Variants in HTR1F observed in about 807,000 individuals in gnomAD.
The protein encoded by HTR1F is 5-hydroxytryptamine (serotonin) receptor 1F, G protein-coupled.
HTR1F carries 17 observed loss-of-function variants against 24.0 expected under a neutral mutation model. The observed-to-expected ratio is 0.71, with a 90% CI of 0.48 to 1.06. The LOEUF (loss-of-function observed/expected upper bound fraction) is 1.06, where lower values mean the gene tolerates loss of function less well. Ranked by LOEUF, HTR1F falls within the 50% of genes least tolerant of loss-of-function variation. The pLI is 0.00. For synonymous variants in HTR1F, 186 were observed against 156.8 expected (o/e 1.19, Z -1.39); for missense variants, 391 against 427.8 (o/e 0.91, Z 0.76).
intron 2 of HTR1F, among the ~76,000 whole-genome samples, chr3:87,945,245 C>A (rs73847730): frequency 0.26 from 40,111 of 151,718 alleles, 5,741 homozygotes; most frequent in African/African-American, 0.37. Flanking sequence ...ACACCTAAAT[C>A]GGGAGGGACA....
At chr3:87,792,928 G>A (rs1265161500) in intron 1 of HTR1F, among the ~76,000 whole-genome samples, 86 bp downstream of exon 1, 1 of 152,238 alleles carries the variant, frequency 6.6e-6, no homozygotes, top group Non-Finnish European at 1.5e-5. Context: ...TGGGGACGTG[G>A]GGAGTGGGAG....
intron 2 of HTR1F, among the ~76,000 whole-genome samples, chr3:87,879,912 C>T (rs542995921): frequency 3.9e-5 from 6 of 152,072 alleles, no homozygotes; most frequent in African/African-American, 7.2e-5. Context: ...ACAAACAGAA[C>T]ATTAGGAATT....
chr3:87,956,123 C>T (rs746363228), intron 2 of HTR1F, among the ~76,000 whole-genome samples: 8 of 151,268 alleles, frequency 5.3e-5, no homozygotes, highest in Non-Finnish European at 7.4e-5. Context: ...GAGACCTTTG[C>T]TTAATCTAAA....
chr3:87,805,879 C>CT (rs1280993090), intron 1 of HTR1F, among the ~76,000 whole-genome samples: 1 of 152,072 alleles, frequency 6.6e-6, no homozygotes, highest in Non-Finnish European at 1.5e-5. Flanking sequence ...AACATTAGAA[C>CT]TTATGCCTTC....
intron 2 of HTR1F, among the ~76,000 whole-genome samples, chr3:87,974,825 G>A (rs1031381021): frequency 1.3e-5 from 2 of 152,154 alleles, no homozygotes; most frequent in Non-Finnish European, 2.9e-5. Context: ...AATACACACT[G>A]TATTGCTTAA....
At chr3:87,823,255 A>C (rs1559595177) in intron 2 of HTR1F, among the ~76,000 whole-genome samples, 2 of 152,316 alleles carry the variant, frequency 1.3e-5, no homozygotes, top group East Asian at 1.9e-4. Context: ...TCTATACATT[A>C]GATTTTGAAA....
intron 2 of HTR1F, among the ~76,000 whole-genome samples, chr3:87,973,930 G>T (rs1034711015): frequency 1.3e-5 from 2 of 152,266 alleles, no homozygotes; most frequent in South Asian, 4.1e-4. Context: ...TTAATCAATA[G>T]TCTAGGCAGG....
chr3:87,988,546 C>T (rs1402061864), intron 2 of HTR1F, among the ~76,000 whole-genome samples: 3 of 152,028 alleles, frequency 2.0e-5, no homozygotes, highest in African/African-American at 7.2e-5. Context: ...ATAGAAAATA[C>T]GCTGCATTTC....
intron 2 of HTR1F, among the ~76,000 whole-genome samples, chr3:87,936,401 G>A (rs1286397279): frequency 9.2e-5 from 14 of 152,112 alleles, no homozygotes; most frequent in Non-Finnish European, 1.8e-4. Flanking sequence ...TTCTTCCTCT[G>A]AGCCACTTGA....
At chr3:87,903,515 C>G (rs1369887629) in intron 2 of HTR1F, among the ~76,000 whole-genome samples, 1 of 151,414 alleles carries the variant, frequency 6.6e-6, no homozygotes, top group Non-Finnish European at 1.5e-5. Context: ...CCAAAAAACA[C>G]ATGAAAAAAT....
At chr3:87,900,337 T>C (rs1706293806) in intron 2 of HTR1F, among the ~76,000 whole-genome samples, 1 of 152,200 alleles carries the variant, frequency 6.6e-6, no homozygotes, top group Admixed American at 6.5e-5. Context: ...CTGTCTCTGT[T>C]CAGAGAATAG....
At chr3:87,961,329 C>A (rs937182301) in intron 2 of HTR1F, among the ~76,000 whole-genome samples, 3 of 151,900 alleles carry the variant, frequency 2.0e-5, no homozygotes, top group African/African-American at 4.8e-5. Context: ...TGGAAGAGAC[C>A]CCATTCCGAG....
intron 2 of HTR1F, among the ~76,000 whole-genome samples, chr3:87,973,222 T>C (rs1442435582): frequency 6.6e-6 from 1 of 152,160 alleles, no homozygotes; most frequent in Non-Finnish European, 1.5e-5. Flanking sequence ...TTTTTACCTA[T>C]TCTGCTTCAT....
chr3:87,915,099 A>G (rs1703864669), intron 2 of HTR1F, among the ~76,000 whole-genome samples: 1 of 152,142 alleles, frequency 6.6e-6, no homozygotes, highest in Non-Finnish European at 1.5e-5. Flanking sequence ...CAGAAGAGAG[A>G]CAACAATCAC....
chr3:87,866,168 T>C (rs940569523), intron 2 of HTR1F, among the ~76,000 whole-genome samples: 16 of 152,196 alleles, frequency 1.1e-4, no homozygotes, highest in African/African-American at 3.9e-4. Flanking sequence ...TCCAGTGTCC[T>C]AAGAAAGTGT....
chr3:87,874,633 GAAA>G (rs34554143), intron 2 of HTR1F, among the ~76,000 whole-genome samples: 5 of 134,154 alleles, frequency 3.7e-5, no homozygotes, highest in East Asian at 4.4e-4. Context: ...TGCAAAAATA[GAAA>G]AAAAAAAAAC....
In HTR1F at chr3:87,843,490, C is replaced by T. The variant is rs998913336; in HGVS notation, c.-43+21366C>T. Among the ~76,000 whole-genome samples the T allele has an allele frequency of 4.3e-4, 64 of 150,398 alleles. 1 individual carries two copies. Among genetic ancestry groups the T allele is most frequent in the Non-Finnish European group, 6.1e-4 (41 of 67,744 alleles). ...CCACATAAACCTACCACTGGCCCTT[C>T]ACCATCCTGACTTTCTTTTTCTTTT... On this transcript the variant is annotated intron_variant, in intron 2 of 2. Transcript: ENST00000319595.
intron 2 of HTR1F, among the ~76,000 whole-genome samples, chr3:87,964,452 C>T (rs1705123647): frequency 6.6e-6 from 1 of 151,946 alleles, no homozygotes; most frequent in Non-Finnish European, 1.5e-5. Flanking sequence ...CTTTTGCTGC[C>T]CTCCTCCTCC....
chr3:87,906,098 T>C (rs1244946146), intron 2 of HTR1F, among the ~76,000 whole-genome samples: 2 of 151,986 alleles, frequency 1.3e-5, no homozygotes, highest in African/African-American at 2.4e-5. Context: ...AGAGAAAAAA[T>C]ACAATAAAAC....
Sources: gnomAD v4.1 joint callset for allele counts (sites outside exome capture counted in the v4.1 genomes callset) on GRCh38, gnomAD v4.1.1 for gene constraint, MANE v1.5 for transcripts, NCBI Gene and HGNC (gene_info 2026-07-23, HGNC 2026-07-21) for gene names.